Variants in WAC observed in about 807,000 individuals in gnomAD.
The protein encoded by WAC is WW domain containing adaptor with coiled-coil.
Under a neutral mutation model 79.6 loss-of-function variants are expected in WAC, and 11 were observed. That is an observed-to-expected ratio of 0.14 (90% CI 0.09 to 0.23). The LOEUF (loss-of-function observed/expected upper bound fraction) is 0.23. Among genes scored for constraint, WAC ranks in the 10% least tolerant of loss-of-function variants. The probability of loss-of-function intolerance (pLI) is 1.00; values close to 1 mark genes in which losing one functional copy is unlikely to be tolerated. For missense variants in WAC, 728 were observed against 773.5 expected (o/e 0.94, Z 0.70); for synonymous variants, 304 against 276.9 (o/e 1.10, Z -0.97).
At chr10:28,601,853 A>G (rs1254934550) in intron 7 of WAC, among the ~76,000 whole-genome samples, 1 of 152,168 alleles carries the variant, frequency 6.6e-6, no homozygotes, top group Non-Finnish European at 1.5e-5. Flanking sequence ...AAATTCATAC[A>G]GACAGAAACT....
intron 3 of WAC, among the ~76,000 whole-genome samples, chr10:28,562,087 G>T (rs1031913520): frequency 7.2e-5 from 11 of 152,076 alleles, no homozygotes; most frequent in Non-Finnish European, 1.2e-4. Context: ...ATGGAGTCAC[G>T]TGCTCTGTCA....
intron 8 of WAC, among the ~76,000 whole-genome samples, chr10:28,610,049 A>G (rs1176083738): frequency 4.7e-5 from 7 of 147,728 alleles, no homozygotes; most frequent in Non-Finnish European, 1.0e-4. Flanking sequence ...CTCCTGCCTC[A>G]GCCTCCCTAG....
At position 28,584,872 on chromosome 10, in the gene WAC, C is replaced by G. The variant is rs1479325788; in HGVS notation, c.381+1367C>G. The stretch of plus-strand genomic sequence containing the variant: ...TTGGGAGGCCAAGGCGGGTGGATCA[C>G]TTGAGGCCAAGATGGTGAAACCCCA... On this transcript the variant is annotated intron_variant, in intron 4 of 13. Coordinates refer to ENST00000354911, the MANE Select transcript of WAC (RefSeq NM_016628.5). Among the ~76,000 whole-genome samples, 4 of 152,188 alleles carry G rather than the reference C, an allele frequency of 2.6e-5. No homozygotes were observed. The East Asian group carries it at 7.7e-4, about 29-fold the overall frequency.
At chr10:28,563,368 A>G (rs1037403043) in intron 3 of WAC, among the ~76,000 whole-genome samples, 6 of 152,346 alleles carry the variant, frequency 3.9e-5, no homozygotes, top group African/African-American at 1.4e-4. Flanking sequence ...GAGGAAAAAC[A>G]AAAGAGTTAA....
chr10:28,542,338 T>C (rs1003131101), intron 3 of WAC, among the ~76,000 whole-genome samples: 3 of 152,216 alleles, frequency 2.0e-5, no homozygotes, highest in Admixed American at 1.3e-4. Flanking sequence ...CATTCTGCTA[T>C]AACATGACAT....
intron 3 of WAC, among the ~76,000 whole-genome samples, chr10:28,543,630 A>G (rs944393904): frequency 5.9e-5 from 9 of 152,334 alleles, no homozygotes; most frequent in Admixed American, 2.0e-4. Context: ...CTGAAATGCC[A>G]TATTTATGCA....
intron 3 of WAC, among the ~76,000 whole-genome samples, chr10:28,551,783 CTTGTGTGTGTGT>C (rs1019596780): frequency 1.1e-4 from 6 of 53,538 alleles, no homozygotes; most frequent in African/African-American, 4.3e-4. Flanking sequence ...TTCCTGTCTA[CTTGTGTGTGTGT>C]GTGTGTGTGT....
At chr10:28,545,894 A>G (rs1385497675) in intron 3 of WAC, among the ~76,000 whole-genome samples, 9 of 152,216 alleles carry the variant, frequency 5.9e-5, no homozygotes. Flanking sequence ...CCTCGTCTCT[A>G]GCATTAAGCT....
rs1238148717 is a variant in WAC, at chr10:28,621,858, A to C, written c.*2252A>C. The C allele has an allele frequency of 6.6e-6, 1 of 152,114 alleles. No individual in the cohort carries two copies. Among genetic ancestry groups the C allele is most frequent in the East Asian group, 1.9e-4 (1 of 5,202 alleles). The allele number at this position is 152,114 out of a possible 1,614,324, so 9.4% of individuals were successfully genotyped here. A position where few individuals can be genotyped will look rare whatever the true frequency, so the allele number is the denominator to read the frequency against. On this transcript the variant is annotated 3_prime_UTR_variant, in exon 14 of 14. Transcript: ENST00000354911. ...ACATATATTTAGGAGAAGATGCCTA[A>C]TTTGGTATTTCTTAATAGTGAATTT...
intron 7 of WAC, among the ~76,000 whole-genome samples, chr10:28,603,933 C>G (rs1232066550): frequency 5.6e-5 from 1 of 17,986 alleles, no homozygotes; most frequent in African/African-American, 2.5e-4. Flanking sequence ...GACTCCGTCT[C>G]AAAAAAAAAA....
At chr10:28,614,240 G>A (rs955576746) in intron 10 of WAC, among the ~76,000 whole-genome samples, 1 of 151,918 alleles carries the variant, frequency 6.6e-6, no homozygotes, top group African/African-American at 2.4e-5. Flanking sequence ...CGAGTAGCTG[G>A]GACTACAGGC....
chr10:28,535,419 A>C (rs1836589502), intron 2 of WAC, 143 bp from the exon 3 acceptor site: 1 of 1,008,454 alleles, frequency 9.9e-7, no homozygotes, highest in Non-Finnish European at 1.4e-6. Flanking sequence ...GAAACTTTAA[A>C]GAGTAAAGCA....
Position 28,583,508 on chromosome 10 carries a change from A to G in WAC, c.381+3A>G. On this transcript the variant is annotated splice_donor_region_variant and intron_variant, in intron 4 of 13. Coordinates refer to ENST00000354911, the MANE Select transcript of WAC (RefSeq NM_016628.5). ...ACCCAAGCAAAACTTCAGATGCAGT[A>G]AGTATTATAAACATGTCCAATATGG... 6.5e-7 allele frequency: 1 copy of G among 1,544,638 alleles called. No individual in the cohort carries two copies. Among genetic ancestry groups the G allele is most frequent in the Non-Finnish European group, 8.7e-7 (1 of 1,147,628 alleles).
In WAC at chr10:28,589,722, A is replaced by C. The variant is rs1839995001; in HGVS notation, c.382-14A>C. ...GTATTAACATTTTCTAATTGTAAAA[A>C]ATATATTTTTAAGCCTTATGATTCT... On this transcript the variant is annotated splice_polypyrimidine_tract_variant and intron_variant, in intron 4 of 13. Transcript: ENST00000354911. 2 of 1,528,590 alleles carry C rather than the reference A, an allele frequency of 1.3e-6. No homozygotes were observed. Among genetic ancestry groups the C allele is most frequent in the African/African-American group, 2.8e-5 (2 of 72,118 alleles). 94.7% of individuals were successfully genotyped at this position (1,528,590 alleles called of 1,614,324 possible).
At chr10:28,604,859 AG>A (rs1200117228) in intron 7 of WAC, among the ~76,000 whole-genome samples, 1 of 152,212 alleles carries the variant, frequency 6.6e-6, no homozygotes, top group African/African-American at 2.4e-5. Flanking sequence ...ACCAAAGGGG[AG>A]GGGCACCCAA....
Position 28,570,926 on chromosome 10 carries a change from G to A in WAC, c.275-12473G>A, listed in dbSNP as rs375432520. On this transcript the variant is annotated intron_variant, in intron 3 of 13. Coordinates refer to ENST00000354911, the MANE Select transcript of WAC (RefSeq NM_016628.5). ...CTAGAAAGACTCTTCTTCTTTAGTT[G>A]TGTTATCCTTAAAGATATACTTTTT... Among the ~76,000 whole-genome samples, 164 of 133,066 alleles carry A rather than the reference G, an allele frequency of 1.2e-3. No individual in the cohort carries two copies. In the South Asian group the frequency reaches 0.041, roughly 33 times the overall value. 87.3% of individuals were successfully genotyped at this position (133,066 alleles called of 152,430 possible). A position where few individuals can be genotyped will look rare whatever the true frequency, so the allele number is the denominator to read the frequency against.
intron 3 of WAC, among the ~76,000 whole-genome samples, chr10:28,560,759 A>G (rs1431881111): frequency 6.6e-6 from 1 of 152,220 alleles, no homozygotes; most frequent in South Asian, 2.1e-4. Flanking sequence ...GTAGTATTCA[A>G]GTCTGCCTAT....
chr10:28,595,620 A>G (rs1423703845), intron 6 of WAC, 113 bp from the exon 7 acceptor site: 1 of 1,028,252 alleles, frequency 9.7e-7, no homozygotes, highest in South Asian at 1.7e-5. Flanking sequence ...AAGAATATGT[A>G]AGTACAAGTA....
At chr10:28,555,703 C>T (rs570725872) in intron 3 of WAC, among the ~76,000 whole-genome samples, 2 of 152,004 alleles carry the variant, frequency 1.3e-5, no homozygotes, top group African/African-American at 4.8e-5. Context: ...ATATATTGAT[C>T]GTATTTGGAG....
Sources: gnomAD v4.1 joint callset for allele counts (sites outside exome capture counted in the v4.1 genomes callset) on GRCh38, gnomAD v4.1.1 for gene constraint, MANE v1.5 for transcripts, NCBI Gene and HGNC (gene_info 2026-07-23, HGNC 2026-07-21) for gene names.